The following CAMTA1 variants were observed in gnomAD, a reference collection of about 807,000 sequenced individuals.
CAMTA1 encodes the protein calmodulin binding transcription activator 1.
CAMTA1 carries 27 observed loss-of-function variants against 170.9 expected under a neutral mutation model. That is an observed-to-expected ratio of 0.16 (90% CI 0.12 to 0.22). CAMTA1 has a LOEUF of 0.22. Among genes scored for constraint, CAMTA1 ranks in the 10% least tolerant of loss-of-function variants. The probability of loss-of-function intolerance (pLI) is 1.00; values close to 1 mark genes in which losing one functional copy is unlikely to be tolerated. For synonymous variants in CAMTA1, 833 were observed against 891.5 expected (o/e 0.93, Z 1.17); for missense variants, 1,619 against 2,217.2 (o/e 0.73, Z 5.42).
chr1:7,155,390 G>T (rs922167053), intron 4 of CAMTA1, among the ~76,000 whole-genome samples: 1 of 73,922 alleles, frequency 1.4e-5, no homozygotes, highest in Non-Finnish European at 3.3e-5. Flanking sequence ...GCACCGTTGG[G>T]GGGGGGATTG....
chr1:7,146,978 C>G lies in CAMTA1; in HGVS notation c.302+55607C>G, dbSNP rs928158866. ...TTCAAACATATGCCGTGCACACACA[C>G]AGAAAGTTACAGCACGCACACACGC... is the stretch of plus-strand genomic sequence containing the variant. On this transcript the variant is annotated intron_variant, in intron 4 of 22. Coordinates refer to ENST00000303635, the MANE Select transcript of CAMTA1 (RefSeq NM_015215.4). This position sits in a 1 kb window ranked among gnomAD's most constrained non-coding sequence, Gnocchi z 4.3. Among the ~76,000 whole-genome samples the G allele has an allele frequency of 6.6e-6, 1 of 151,846 alleles. No homozygotes were observed. Among genetic ancestry groups the G allele is most frequent in the Admixed American group, 6.6e-5 (1 of 15,230 alleles).
intron 7 of CAMTA1, among the ~76,000 whole-genome samples, chr1:7,655,223 T>TAC (rs148424846): frequency 9.6e-5 from 13 of 135,200 alleles, no homozygotes; most frequent in African/African-American, 2.6e-4. Context: ...CACCCATCTA[T>TAC]ACACACACAC....
rs992670806 is a variant in CAMTA1, at chr1:7,195,494, G to A, written c.303-53997G>A. On this transcript the variant is annotated intron_variant, in intron 4 of 22. Coordinates refer to ENST00000303635, the MANE Select transcript of CAMTA1 (RefSeq NM_015215.4). The surrounding 1 kb of genome is among the most constrained non-coding windows in gnomAD (Gnocchi z 4.1). ...CCATGGGGCACAAGCAGGGAATAGA[G>A]CTTTCCTGTTACAGCATCATGGCCT... is the stretch of plus-strand genomic sequence containing the variant. 2.6e-5 allele frequency among the ~76,000 whole-genome samples: 4 copies of A among 152,296 alleles called. No homozygotes were observed. Among genetic ancestry groups the A allele is most frequent in the African/African-American group, 9.6e-5 (4 of 41,576 alleles).
intron 3 of CAMTA1, chr1:6,871,939 T>A: frequency 7.5e-7 from 1 of 1,339,984 alleles, no homozygotes; most frequent in Non-Finnish European, 9.5e-7. Flanking sequence ...TTTCCTCAAA[T>A]AGAGATACCC....
rs1438066824 is a variant in CAMTA1, at chr1:7,680,878, A to AGCG, written c.2914+3147_2914+3148insGGC. Among the ~76,000 whole-genome samples the AGCG allele has an allele frequency of 1.0e-3, 149 of 149,084 alleles. 4 individuals carry two copies. Among genetic ancestry groups the AGCG allele is most frequent in the Admixed American group, 8.4e-3 (127 of 15,030 alleles). On this transcript the variant is annotated intron_variant, in intron 11 of 22. Transcript: ENST00000303635. This position sits in a 1 kb window ranked among gnomAD's most constrained non-coding sequence, Gnocchi z 4.4. Reference sequence around the variant, plus strand: ...CGCGCGCGCCAGCAGCAGCAGCAGCAGCAGCTGCTGCGGCGAAGTCTTTGT... The same window carrying AGCG: ...CGCGCGCGCCAGCAGCAGCAGCAGCAGCGGCAGCTGCTGCGGCGAAGTCTTTGT...
At chr1:7,270,028 G>A (rs1669461733) in intron 5 of CAMTA1, among the ~76,000 whole-genome samples, 1 of 152,010 alleles carries the variant, frequency 6.6e-6, no homozygotes, top group Admixed American at 6.5e-5. Flanking sequence ...GGAAGACAAT[G>A]CAACATCTTT....
chr1:7,414,158 C>T (rs2090989890), intron 5 of CAMTA1, among the ~76,000 whole-genome samples: 2 of 152,128 alleles, frequency 1.3e-5, no homozygotes, highest in Non-Finnish European at 1.5e-5. Context: ...ATTCGGTTTG[C>T]CAGTGTTTTA....
At chr1:7,287,535 GCTAGGTTAGGC>G (rs1672517795) in intron 5 of CAMTA1, among the ~76,000 whole-genome samples, 1 of 151,848 alleles carries the variant, frequency 6.6e-6, no homozygotes, top group East Asian at 1.9e-4. Context: ...TATTGGTCAG[GCTAGGTTAGGC>G]CATGTGCTGG....
chr1:6,842,738 A>G (rs1656370055), intron 3 of CAMTA1, among the ~76,000 whole-genome samples: 1 of 152,180 alleles, frequency 6.6e-6, no homozygotes. Flanking sequence ...CCTGGCCAAC[A>G]TGGTGAAACC....
At chr1:6,811,876 G>A (rs1289627646) in intron 1 of CAMTA1, among the ~76,000 whole-genome samples, 3 of 152,218 alleles carry the variant, frequency 2.0e-5, no homozygotes, top group Admixed American at 1.3e-4. Context: ...GAGAAACAGT[G>A]TCATTCTCTT....
chr1:7,636,635 G>C (rs2095714375), intron 6 of CAMTA1, among the ~76,000 whole-genome samples: 1 of 151,958 alleles, frequency 6.6e-6, no homozygotes, highest in Admixed American at 6.6e-5. Context: ...CTTGAACTCA[G>C]GAGGCAGAGG....
chr1:7,139,902 T>G (rs1645795571), intron 4 of CAMTA1, among the ~76,000 whole-genome samples: 1 of 152,214 alleles, frequency 6.6e-6, no homozygotes, highest in Non-Finnish European at 1.5e-5. Flanking sequence ...GGCTGGCTCA[T>G]TCAGCCACAG....
intron 6 of CAMTA1, among the ~76,000 whole-genome samples, chr1:7,472,552 A>T (rs1421105449): frequency 6.6e-6 from 1 of 152,122 alleles, no homozygotes; most frequent in Non-Finnish European, 1.5e-5. Flanking sequence ...CCCTGGGGGC[A>T]CCACCATCAC....
At chr1:6,916,260 C>T (rs746285616) in intron 3 of CAMTA1, among the ~76,000 whole-genome samples, 22 of 152,078 alleles carry the variant, frequency 1.4e-4, no homozygotes, top group East Asian at 3.9e-4. Context: ...GAGCCCAGGG[C>T]GCTTCCCGGG....
At chr1:7,359,234 G>A (rs1247035547) in intron 5 of CAMTA1, among the ~76,000 whole-genome samples, 1 of 111,486 alleles carries the variant, frequency 9.0e-6, no homozygotes, top group African/African-American at 3.2e-5. Context: ...TCAGTGGGGA[G>A]CCAGCCTTTC....
intron 3 of CAMTA1, among the ~76,000 whole-genome samples, chr1:6,993,328 G>C (rs181813099): frequency 9.2e-5 from 14 of 152,216 alleles, no homozygotes; most frequent in Non-Finnish European, 1.9e-4. Context: ...GAGTCTTCCA[G>C]TCCATAAAGG....
intron 7 of CAMTA1, among the ~76,000 whole-genome samples, chr1:7,646,977 A>G (rs1477260676): frequency 2.0e-5 from 3 of 152,176 alleles, no homozygotes; most frequent in Non-Finnish European, 4.4e-5. Context: ...AGTGCTGCCG[A>G]GACACCACAC....
chr1:6,889,608 C>A (rs373996737), intron 3 of CAMTA1, among the ~76,000 whole-genome samples: 1 of 152,278 alleles, frequency 6.6e-6, no homozygotes, highest in South Asian at 2.1e-4. Context: ...TTTAATCATG[C>A]TTAATAAATG....
chr1:7,080,276 A>T (rs6694566), intron 3 of CAMTA1, among the ~76,000 whole-genome samples: 121,570 of 150,882 alleles, frequency 0.81, 48,745 homozygotes, highest in Middle Eastern at 0.89. Flanking sequence ...ATGTTTTTTT[A>T]ATCTCTCAAA....
Sources: gnomAD v4.1 joint callset for allele counts (sites outside exome capture counted in the v4.1 genomes callset) on GRCh38, gnomAD v4.1.1 for gene constraint, Gnocchi (gnomAD v3.1) non-coding constraint, MANE v1.5 for transcripts, NCBI Gene and HGNC (gene_info 2026-07-23, HGNC 2026-07-21) for gene names.